KLF8: variants seen among roughly 807,000 people sequenced by gnomAD.
The protein encoded by KLF8 is KLF transcription factor 8.
KLF8 carries 10 observed loss-of-function variants against 18.2 expected under a neutral mutation model. The ratio of observed to expected loss-of-function variants is 0.55; its 90% CI spans 0.34 to 0.93. The LOEUF (loss-of-function observed/expected upper bound fraction) is 0.93, where lower values mean the gene tolerates loss of function less well. Ranked by LOEUF, KLF8 falls within the 40% of genes least tolerant of loss-of-function variation. The pLI is 0.02. For synonymous variants in KLF8, 109 were observed against 97.3 expected (o/e 1.12, Z -0.71); for missense variants, 264 against 277.9 (o/e 0.95, Z 0.36).
chrX:55,994,646 T>A, the KLF8 span, among the ~76,000 whole-genome samples: 1 of 111,567 alleles, frequency 9.0e-6, no homozygotes, highest in Non-Finnish European at 1.9e-5. Flanking sequence ...TTTCAAAGAA[T>A]TCTTTGATTT....
At chrX:56,034,141 T>C in the KLF8 span, among the ~76,000 whole-genome samples, 2 of 112,245 alleles carry the variant, frequency 1.8e-5, no homozygotes, top group Non-Finnish European at 3.8e-5. Flanking sequence ...TATTTTTACA[T>C]TTTCAGGTCT....
At chrX:56,107,555 G>A in the KLF8 span, among the ~76,000 whole-genome samples, 2 of 111,819 alleles carry the variant, frequency 1.8e-5, no homozygotes, top group African/African-American at 3.3e-5. Context: ...CCTGATCTGC[G>A]GGTTGCTGAG....
the KLF8 span, among the ~76,000 whole-genome samples, chrX:56,090,068 A>T: frequency 2.7e-5 from 3 of 111,709 alleles, no homozygotes; most frequent in Non-Finnish European, 5.6e-5. Context: ...TTCATTTATC[A>T]CCTAATGGGG....
chrX:56,044,092 A>G, the KLF8 span, among the ~76,000 whole-genome samples: 1 of 112,015 alleles, frequency 8.9e-6, no homozygotes, highest in Non-Finnish European at 1.9e-5. Context: ...AGTCTGCTTT[A>G]GACCCCAGTT....
At chrX:56,135,164 T>C in the KLF8 span, among the ~76,000 whole-genome samples, 1 of 111,004 alleles carries the variant, frequency 9.0e-6, no homozygotes, top group Admixed American at 9.6e-5. Flanking sequence ...GGATCTAGAA[T>C]TAGAAATACC....
chrX:56,003,727 C>T, the KLF8 span, among the ~76,000 whole-genome samples: 1 of 111,701 alleles, frequency 9.0e-6, no homozygotes, highest in Admixed American at 9.5e-5. Flanking sequence ...TTCTTTTTAC[C>T]GCTCTTCCTG....
chrX:56,051,620 G>T, the KLF8 span, among the ~76,000 whole-genome samples: 1 of 111,335 alleles, frequency 9.0e-6, no homozygotes, highest in Non-Finnish European at 1.9e-5. Context: ...GGCTTCTAGG[G>T]TTTCTGTTGA....
the KLF8 span, among the ~76,000 whole-genome samples, chrX:56,059,195 G>T: frequency 8.9e-6 from 1 of 111,893 alleles, no homozygotes; most frequent in Non-Finnish European, 1.9e-5. Flanking sequence ...TTATGATGGG[G>T]TGGTTTGCTT....
chrX:55,963,234 A>G, the KLF8 span, among the ~76,000 whole-genome samples: 1 of 112,072 alleles, frequency 8.9e-6, no homozygotes, highest in Non-Finnish European at 1.9e-5. Context: ...CACCTTTCTC[A>G]GCAAAGAATA....
chrX:56,053,109 C>T, the KLF8 span, among the ~76,000 whole-genome samples: 3 of 112,239 alleles, frequency 2.7e-5, no homozygotes, highest in African/African-American at 9.7e-5. Flanking sequence ...TGAGGCAATG[C>T]CTCGCCCTGC....
chrX:56,193,347 G>A, the KLF8 span, among the ~76,000 whole-genome samples: 5 of 111,734 alleles, frequency 4.5e-5, no homozygotes, highest in Non-Finnish European at 7.5e-5. Context: ...GCAGAGAAAA[G>A]GGAACACTTG....
At chrX:56,038,626 A>T in the KLF8 span, among the ~76,000 whole-genome samples, 5 of 112,299 alleles carry the variant, frequency 4.5e-5, no homozygotes, top group African/African-American at 1.6e-4. Context: ...ATTAATGGGC[A>T]TTTGGATTGT....
the KLF8 span, among the ~76,000 whole-genome samples, chrX:56,001,999 C>T: frequency 9.9e-5 from 11 of 111,585 alleles, no homozygotes; most frequent in Non-Finnish European, 1.9e-4. Flanking sequence ...TATGAAGGCC[C>T]GCCTACAAAT....
At chrX:56,198,232 G>T in the KLF8 span, among the ~76,000 whole-genome samples, 1 of 111,873 alleles carries the variant, frequency 8.9e-6, no homozygotes, top group Admixed American at 9.5e-5. Context: ...TGGAAGTTCT[G>T]GCCAGGGCAA....
At chrX:56,237,126 AC>A (rs1160258891) in intron 1 of KLF8, among the ~76,000 whole-genome samples, 2 of 88,802 alleles carry the variant, frequency 2.3e-5, no homozygotes, top group Admixed American at 2.6e-4. Flanking sequence ...CTGAATTGTG[AC>A]CCCCCCATCC....
the KLF8 span, chrX:55,961,379 A>G: frequency 2.1e-6 from 1 of 484,586 alleles, no homozygotes; most frequent in Admixed American, 2.4e-5. Context: ...GATAGCAAAA[A>G]GATGAATCTG....
At chrX:56,040,309 C>G in the KLF8 span, among the ~76,000 whole-genome samples, 1 of 111,723 alleles carries the variant, frequency 9.0e-6, no homozygotes, top group Non-Finnish European at 1.9e-5. Flanking sequence ...TGCCAGTTTT[C>G]AAGGGCAGTG....
At chrX:55,938,905 G>C in the KLF8 span, among the ~76,000 whole-genome samples, 3 of 111,840 alleles carry the variant, frequency 2.7e-5, no homozygotes, top group African/African-American at 9.8e-5. Context: ...AAGAGACTTA[G>C]ATTCCCACAC....
At chrX:56,029,564 T>A in the KLF8 span, among the ~76,000 whole-genome samples, 1 of 111,764 alleles carries the variant, frequency 8.9e-6, no homozygotes, top group South Asian at 3.8e-4. Context: ...ACCCCTATTG[T>A]CATCCTGACC....
Sources: allele counts gnomAD v4.1 joint callset (sites outside exome capture counted in the v4.1 genomes callset), GRCh38; gene constraint gnomAD v4.1.1; transcripts MANE v1.5; gene names NCBI Gene and HGNC (gene_info 2026-07-23, HGNC 2026-07-21).